TTC6: variants seen among roughly 807,000 people sequenced by gnomAD.
TTC6 encodes the protein tetratricopeptide repeat protein 6.
Under a neutral mutation model 210.4 loss-of-function variants are expected in TTC6, and 172 were observed. The ratio of observed to expected loss-of-function variants is 0.82; its 90% CI spans 0.72 to 0.93. The LOEUF is 0.93. Among genes scored for constraint, TTC6 ranks in the 40% least tolerant of loss-of-function variants. The pLI is 0.00. For missense variants in TTC6, 2,414 were observed against 2,318.1 expected, an observed-to-expected ratio of 1.04 and a Z score of -0.85; for synonymous variants, 804 against 819.6, an observed-to-expected ratio of 0.98 and a Z score of 0.32.
intron 15 of TTC6, among the ~76,000 whole-genome samples, chr14:37,789,596 T>A (rs1053790865): frequency 7.4e-6 from 1 of 134,492 alleles, no homozygotes. Flanking sequence ...TGGTTTCCTC[T>A]TATATATATA....
chr14:37,710,288 T>C (rs978288432), intron 5 of TTC6, among the ~76,000 whole-genome samples: 6 of 152,144 alleles, frequency 3.9e-5, no homozygotes, highest in African/African-American at 1.4e-4. Context: ...GGGAGATCCC[T>C]TCTCCATGCT....
chr14:37,662,239 A>G (rs2095738959), intron 1 of TTC6, among the ~76,000 whole-genome samples: 2 of 152,176 alleles, frequency 1.3e-5, no homozygotes, highest in Admixed American at 6.5e-5. Flanking sequence ...CCAGTTTTCA[A>G]AGGAAATGCT....
chr14:37,731,505 A>G (rs181593851), intron 7 of TTC6, among the ~76,000 whole-genome samples: 103 of 152,306 alleles, frequency 6.8e-4, no homozygotes, highest in Non-Finnish European at 6.2e-4. Flanking sequence ...ATTTTGCTCA[A>G]CCTCAGCTGG....
intron 5 of TTC6, among the ~76,000 whole-genome samples, chr14:37,703,493 A>AT (rs1359366474): frequency 1.3e-5 from 2 of 152,090 alleles, no homozygotes; most frequent in Non-Finnish European, 2.9e-5. Flanking sequence ...GAAATGTATA[A>AT]TTTTTTTCTG....
chr14:37,685,480 G>A (rs2095791875), intron 3 of TTC6, among the ~76,000 whole-genome samples: 1 of 152,168 alleles, frequency 6.6e-6, no homozygotes, highest in African/African-American at 2.4e-5. Context: ...TAAAAAGAAA[G>A]ATAACTCTGT....
intron 1 of TTC6, among the ~76,000 whole-genome samples, chr14:37,659,429 C>T (rs974343439): frequency 6.6e-6 from 1 of 152,128 alleles, no homozygotes; most frequent in African/African-American, 2.4e-5. Context: ...TTTTTCTCCA[C>T]AACCTCTCCA....
At chr14:37,665,323 A>C (rs1009843360) in intron 1 of TTC6, among the ~76,000 whole-genome samples, 1 of 150,290 alleles carries the variant, frequency 6.7e-6, no homozygotes, top group African/African-American at 2.4e-5. Flanking sequence ...CAGCCATAAA[A>C]AGAATGAGAT....
rs554990764 is a variant in TTC6 at position 37,805,249 on chromosome 14, A to G, written c.4164+435A>G. On this transcript the variant is annotated intron_variant, in intron 21 of 30. Coordinates refer to ENST00000553443, the Ensembl canonical transcript of TTC6. ...AATCAGATTGAAACTGGTTGTTAAG[A>G]TGGCCAGATTTACTGAAAAACAGTT... 5.3e-4 allele frequency among the ~76,000 whole-genome samples: 80 copies of G among 152,306 alleles called. No individual in the cohort carries two copies. In the South Asian group the frequency reaches 0.016, roughly 30 times the overall value.
At chr14:37,687,998 C>T (rs1005207660) in intron 3 of TTC6, among the ~76,000 whole-genome samples, 6 of 152,060 alleles carry the variant, frequency 3.9e-5, no homozygotes, top group African/African-American at 9.7e-5. Context: ...CTCTTGGGGT[C>T]CTTGAGTCCA....
At chr14:37,705,755 A>G (rs1279345662) in intron 5 of TTC6, among the ~76,000 whole-genome samples, 1 of 36,114 alleles carries the variant, frequency 2.8e-5, no homozygotes, top group Non-Finnish European at 5.2e-5. Flanking sequence ...ATTAATATAG[A>G]GTTGTGCAGA....
chr14:37,708,648 A>G (rs2095839660), intron 5 of TTC6, among the ~76,000 whole-genome samples: 1 of 152,072 alleles, frequency 6.6e-6, no homozygotes, highest in South Asian at 2.1e-4. Flanking sequence ...GACCTAATCT[A>G]GGAAGAATGT....
At chr14:37,832,925 G>T (rs994159420) in intron 29 of TTC6, among the ~76,000 whole-genome samples, 2 of 152,000 alleles carry the variant, frequency 1.3e-5, no homozygotes, top group African/African-American at 4.8e-5. Flanking sequence ...GTGTGTGGTG[G>T]TGCATACCTG....
intron 7 of TTC6, among the ~76,000 whole-genome samples, chr14:37,725,830 A>C (rs1470044066): frequency 6.6e-6 from 1 of 152,128 alleles, no homozygotes; most frequent in Non-Finnish European, 1.5e-5. Context: ...TTGTTTTTAA[A>C]ATCACATTTT....
intron 4 of TTC6, among the ~76,000 whole-genome samples, chr14:37,699,257 T>C (rs765558010): frequency 1.3e-5 from 2 of 152,194 alleles, no homozygotes; most frequent in Non-Finnish European, 2.9e-5. Context: ...AGCCCTATGA[T>C]TTGTCCTGGA....
chr14:37,757,518 C>A (rs2095971740), intron 14 of TTC6, among the ~76,000 whole-genome samples: 1 of 151,994 alleles, frequency 6.6e-6, no homozygotes, highest in African/African-American at 2.4e-5. Flanking sequence ...CGTGATCCAC[C>A]CACCTTGGCC....
chr14:37,681,625 C>T (rs1392602298), intron 2 of TTC6, among the ~76,000 whole-genome samples: 3 of 152,038 alleles, frequency 2.0e-5, no homozygotes, highest in South Asian at 2.1e-4. Flanking sequence ...TGGATGCTTC[C>T]ATCCATCCCC....
At chr14:37,737,356 C>T (rs1476999799) in intron 8 of TTC6, among the ~76,000 whole-genome samples, 1 of 152,106 alleles carries the variant, frequency 6.6e-6, no homozygotes, top group Non-Finnish European at 1.5e-5. Flanking sequence ...GCCACCTACA[C>T]CAGCTGGGTA....
At chr14:37,634,537 GA>G (rs2095676256) in intron 1 of TTC6, among the ~76,000 whole-genome samples, 1 of 152,102 alleles carries the variant, frequency 6.6e-6, no homozygotes, top group Admixed American at 6.5e-5. Context: ...GGAAGAAGGG[GA>G]AAAAGAGGGC....
chr14:37,776,404 A>G (rs1319418769), intron 14 of TTC6, among the ~76,000 whole-genome samples: 1 of 152,126 alleles, frequency 6.6e-6, no homozygotes, highest in Non-Finnish European at 1.5e-5. Context: ...GTTGCTTTAT[A>G]GTATCATTGG....
Sources: gnomAD v4.1 joint callset for allele counts (sites outside exome capture counted in the v4.1 genomes callset) on GRCh38, gnomAD v4.1.1 for gene constraint, MANE v1.5 for transcripts, NCBI Gene and HGNC (gene_info 2026-07-23, HGNC 2026-07-21) for gene names.